NRXN3: variants seen among roughly 807,000 people sequenced by gnomAD.
NRXN3 encodes neurexin III.
Under a neutral mutation model 137.6 loss-of-function variants are expected in NRXN3, and 32 were observed. The observed-to-expected ratio is 0.23, with a 90% confidence interval of 0.18 to 0.31. The LOEUF is 0.31. Among genes scored for constraint, NRXN3 ranks in the 10% least tolerant of loss-of-function variants. The pLI is 1.00. For synonymous variants in NRXN3, 798 were observed against 784.5 expected (o/e 1.02, Z -0.29); for missense variants, 1,574 against 2,062.5 (o/e 0.76, Z 4.59).
intron 19 of NRXN3, among the ~76,000 whole-genome samples, chr14:79,706,373 T>TA (rs926637937): frequency 2.0e-5 from 3 of 150,814 alleles, no homozygotes; most frequent in African/African-American, 7.3e-5. Context: ...TATATGCAAA[T>TA]AAAAATTACT....
intron 10 of NRXN3, among the ~76,000 whole-genome samples, chr14:78,867,612 A>G (rs891867511): frequency 7.2e-5 from 11 of 152,166 alleles, no homozygotes; most frequent in African/African-American, 2.7e-4. Context: ...TTTCCCAGAA[A>G]ATAGGTCATA....
chr14:78,798,237 G>C (rs896136079), intron 8 of NRXN3, among the ~76,000 whole-genome samples: 1 of 152,156 alleles, frequency 6.6e-6, no homozygotes, highest in Non-Finnish European at 1.5e-5. Flanking sequence ...AATATATTCA[G>C]GGTACAGGCA....
intron 10 of NRXN3, among the ~76,000 whole-genome samples, chr14:78,951,321 G>T (rs140272037): frequency 6.6e-6 from 1 of 152,100 alleles, no homozygotes; most frequent in Non-Finnish European, 1.5e-5. Context: ...CATGTCATTA[G>T]GACTTCATGT....
chr14:79,565,515 C>T (rs1177680078), intron 16 of NRXN3, among the ~76,000 whole-genome samples: 1 of 151,740 alleles, frequency 6.6e-6, no homozygotes, highest in Non-Finnish European at 1.5e-5. Context: ...CCTATTGAGT[C>T]AAAATTTGGC....
At position 79,148,749 on chromosome 14, in the gene NRXN3, A is replaced by G. The variant is rs138094514; in HGVS notation, c.3262+160608A>G. Among the ~76,000 whole-genome samples, 1,056 of 152,218 alleles carry G rather than the reference A, an allele frequency of 6.9e-3. 16 individuals are homozygous for G. The highest frequency in any genetic ancestry group is 0.023 in the African/African-American group (954 of 41,550). ...TTTCCTTGCAATCATCCAGATGCCAATTTAATAAACATTCTCTGGCCCCTT... is the reference window on the plus strand; with the variant it reads ...TTTCCTTGCAATCATCCAGATGCCAGTTTAATAAACATTCTCTGGCCCCTT... On this transcript the variant is annotated intron_variant, in intron 15 of 20. Transcript: ENST00000335750.
chr14:79,314,216 C>G (rs1177370784), intron 15 of NRXN3: 21 of 137,924 alleles, frequency 1.5e-4, no homozygotes, highest in African/African-American at 5.8e-4. Context: ...GCGCACCGTG[C>G]GCGAGCCGAA....
chr14:79,831,550 T>C (rs2099323669), intron 20 of NRXN3, among the ~76,000 whole-genome samples: 1 of 152,178 alleles, frequency 6.6e-6, no homozygotes, highest in African/African-American at 2.4e-5. Flanking sequence ...TATGGTTTTA[T>C]TGTTATTTTG....
At chr14:79,483,288 C>G (rs992870609) in intron 16 of NRXN3, among the ~76,000 whole-genome samples, 1 of 152,122 alleles carries the variant, frequency 6.6e-6, no homozygotes, top group African/African-American at 2.4e-5. Flanking sequence ...TTAGAAATGA[C>G]TATTAATTTT....
intron 19 of NRXN3, among the ~76,000 whole-genome samples, chr14:79,732,809 A>C (rs1268301949): frequency 6.6e-6 from 1 of 152,210 alleles, no homozygotes; most frequent in Admixed American, 6.5e-5. Flanking sequence ...AATTTCTTTC[A>C]CTTTCTATAG....
At chr14:79,239,779 A>T (rs1226187330) in intron 15 of NRXN3, among the ~76,000 whole-genome samples, 1 of 152,160 alleles carries the variant, frequency 6.6e-6, no homozygotes, top group Non-Finnish European at 1.5e-5. Context: ...TAAATGGATG[A>T]AGAGAATGTA....
In NRXN3 at chr14:78,484,021, CACACACAG is replaced by C. The variant is rs1261642417; in HGVS notation, c.758-161097_758-161090del. Among the ~76,000 whole-genome samples the C allele has an allele frequency of 7.6e-3, 758 of 99,144 alleles. 4 individuals carry two copies. Among genetic ancestry groups the C allele is most frequent in the African/African-American group, 0.022 (572 of 25,648 alleles). 65.0% of individuals were successfully genotyped at this position (99,144 alleles called of 152,430 possible). A position where few individuals can be genotyped will look rare whatever the true frequency, so the allele number is the denominator to read the frequency against. ...ACACACACACACACACACACACACACACACACAGAGAGAGAGAGAGAGAGAGAGCAAAA... is the reference window on the plus strand; with the variant it reads ...ACACACACACACACACACACACACACAGAGAGAGAGAGAGAGAGAGCAAAA... On this transcript the variant is annotated intron_variant, in intron 4 of 20. Transcript: ENST00000335750.
At chr14:78,969,612 C>T (rs1308667304) in intron 14 of NRXN3, among the ~76,000 whole-genome samples, 9 of 152,154 alleles carry the variant, frequency 5.9e-5, no homozygotes, top group Non-Finnish European at 1.0e-4. Context: ...AGCTCATCAT[C>T]GTAAAGCACA....
chr14:78,967,304 C>T lies in NRXN3; in HGVS notation c.2874C>T (p.Val958=), dbSNP rs2099420321. Residue 958 remains valine, a synonymous_variant, in exon 13 of 21, where the codon GTC becomes GTT. Transcript: ENST00000335750. ...PLNDNQWHNV[V]ITRDNSNTHS... is the part of the protein sequence containing the mutation. ...ATGACAACCAGTGGCACAATGTCGT[C>T]ATCACTCGGGACAATAGTAACACTC... 1 of 1,613,844 alleles carries T rather than the reference C, an allele frequency of 6.2e-7. No homozygotes were observed. The highest frequency in any genetic ancestry group is 8.5e-7 in the Non-Finnish European group (1 of 1,179,944).
intron 15 of NRXN3, among the ~76,000 whole-genome samples, chr14:79,383,308 T>A (rs1471396921): frequency 6.6e-6 from 1 of 152,116 alleles, no homozygotes; most frequent in Non-Finnish European, 1.5e-5. Flanking sequence ...AAGCATCTCA[T>A]TTTTATCTGT....
intron 15 of NRXN3, among the ~76,000 whole-genome samples, chr14:79,199,124 G>T (rs1287270821): frequency 6.6e-6 from 1 of 151,568 alleles, no homozygotes; most frequent in Non-Finnish European, 1.5e-5. Context: ...CCAAGATGGC[G>T]CCACTGCGCT....
intron 15 of NRXN3, among the ~76,000 whole-genome samples, chr14:79,420,340 C>T (rs1418433093): frequency 6.6e-6 from 1 of 152,138 alleles, no homozygotes; most frequent in Non-Finnish European, 1.5e-5. Flanking sequence ...TGTCTCTTAA[C>T]CCATTTATGC....
At chr14:78,652,941 A>G (rs1163043949) in intron 6 of NRXN3, among the ~76,000 whole-genome samples, 2 of 152,244 alleles carry the variant, frequency 1.3e-5, no homozygotes, top group Non-Finnish European at 2.9e-5. Flanking sequence ...CACATACTAA[A>G]TGCTCTAATT....
chr14:79,218,360 A>G (rs2068908393), intron 15 of NRXN3, among the ~76,000 whole-genome samples: 1 of 152,210 alleles, frequency 6.6e-6, no homozygotes, highest in South Asian at 2.1e-4. Flanking sequence ...GGGAGAAAAT[A>G]GAATACCTGT....
At chr14:78,334,728 C>T (rs929742079) in intron 4 of NRXN3, among the ~76,000 whole-genome samples, 3 of 152,082 alleles carry the variant, frequency 2.0e-5, no homozygotes, top group Non-Finnish European at 4.4e-5. Flanking sequence ...GAGAGGGAAA[C>T]TTTGTTAATT....
Sources: gnomAD v4.1 joint callset for allele counts (sites outside exome capture counted in the v4.1 genomes callset) on GRCh38, gnomAD v4.1.1 for gene constraint, MANE v1.5 for transcripts, NCBI Gene and HGNC (gene_info 2026-07-23, HGNC 2026-07-21) for gene names.